Variants in PCTP observed in about 807,000 individuals in gnomAD.
The protein encoded by PCTP is START domain-containing protein 2.
PCTP carries 27 observed loss-of-function variants against 31.0 expected under a neutral mutation model. The observed-to-expected ratio is 0.87, with a 90% CI of 0.64 to 1.20. The LOEUF is 1.20. Among genes scored for constraint, PCTP ranks in the 50% most tolerant of loss-of-function variants. The pLI, the probability that PCTP is intolerant of heterozygous loss-of-function variation, is 0.00. For missense variants in PCTP, 287 were observed against 268.2 expected, an observed-to-expected ratio of 1.07 and a Z score of -0.49; for synonymous variants, 108 against 101.2, an observed-to-expected ratio of 1.07 and a Z score of -0.40.
At chr17:55,832,133 C>G (rs887771996) in intron 5 of PCTP, among the ~76,000 whole-genome samples, 2 of 152,134 alleles carry the variant, frequency 1.3e-5, no homozygotes, top group Non-Finnish European at 2.9e-5. Context: ...CCCAAGCAAG[C>G]TTGAGTTTCT....
rs1329166112 is a variant in PCTP, at chr17:55,816,915, T to TGACTGAGAG, written c.318-5845_318-5837dup. On this transcript the variant is annotated intron_variant, in intron 3 of 3. Coordinates refer to the PCTP transcript ENST00000572536. ...TGGGGTAAAGATCATATGCAACCAA[T>TGACTGAGAG]GACTGAGAGATAATTGGCCACTTTA... 5.3e-5 allele frequency among the ~76,000 whole-genome samples: 8 copies of TGACTGAGAG among 152,332 alleles called. No individual in the cohort carries two copies. In the East Asian group the frequency reaches 1.5e-3, roughly 29 times the overall value.
chr17:55,775,896 A>T, intron 5 of PCTP, 139 bp from the exon 6 acceptor site: 1 of 1,424,156 alleles, frequency 7.0e-7, no homozygotes, highest in African/African-American at 1.4e-5. Context: ...CTGCAACAAC[A>T]TTCTGTTGAA....
chr17:55,851,432 C>A, the PCTP span, among the ~76,000 whole-genome samples: 2 of 152,174 alleles, frequency 1.3e-5, no homozygotes, highest in African/African-American at 4.8e-5. Flanking sequence ...TCAGCTAGCA[C>A]GTTGAATTGG....
chr17:55,808,660 C>T lies in PCTP; in HGVS notation c.318-14101C>T, dbSNP rs529059718. Among the ~76,000 whole-genome samples, 12 of 152,272 alleles carry T rather than the reference C, an allele frequency of 7.9e-5. No individual in the cohort carries two copies. The South Asian group carries it at 1.9e-3, about 24-fold the overall frequency. The stretch of plus-strand genomic sequence containing the variant: ...TAATCACTCAGATTAGCAAGCAAGT[C>T]GTACTCTTTTCTCTCTGTCCAAAGC... On this transcript the variant is annotated intron_variant, in intron 3 of 3. Transcript: ENST00000572536.
rs1373155719 is a variant in PCTP, at chr17:55,805,563, C to T, written c.318-17198C>T. ...TTCTTTTTATGGCTGCATAGTATTC[C>T]GTGTGTGTAGACACACACACATATA... On this transcript the variant is annotated intron_variant, in intron 3 of 3. Transcript: ENST00000572536. 3.3e-5 allele frequency among the ~76,000 whole-genome samples: 5 copies of T among 151,720 alleles called. No homozygotes were observed. In the East Asian group the frequency reaches 7.7e-4, roughly 23 times the overall value.
intron 2 of PCTP, 198 bp from the exon 3 acceptor site, chr17:55,770,908 T>TTTTA: frequency 2.4e-6 from 1 of 418,682 alleles, no homozygotes. Flanking sequence ...TTTTTTTTTT[T>TTTTA]TATATATAGA....
intron 1 of PCTP, among the ~76,000 whole-genome samples, chr17:55,764,001 T>C (rs949585245): frequency 2.6e-5 from 4 of 152,190 alleles, no homozygotes; most frequent in African/African-American, 9.7e-5. Flanking sequence ...TTAAAGGAAG[T>C]TGTCGCAATC....
chr17:55,767,109 GTTTGTT>G (rs1014728120), intron 1 of PCTP, among the ~76,000 whole-genome samples: 2 of 152,140 alleles, frequency 1.3e-5, no homozygotes, highest in Non-Finnish European at 2.9e-5. Flanking sequence ...TGATGGGGTT[GTTTGTT>G]TTTTTCTTGT....
downstream of PCTP, among the ~76,000 whole-genome samples, chr17:55,826,095 G>A (rs1905386588): frequency 6.6e-6 from 1 of 152,192 alleles, no homozygotes; most frequent in Non-Finnish European, 1.5e-5. Context: ...TAGCAAAGCT[G>A]GAATTTGAAC....
At position 55,804,029 on chromosome 17, in the gene PCTP, C is replaced by A. The variant is rs180924738; in HGVS notation, c.317+16375C>A. 3.9e-5 allele frequency among the ~76,000 whole-genome samples: 6 copies of A among 152,038 alleles called. No individual in the cohort carries two copies. The East Asian group carries it at 1.2e-3, about 29-fold the overall frequency. On this transcript the variant is annotated intron_variant, in intron 3 of 3. Coordinates refer to the PCTP transcript ENST00000572536. Reference sequence around the variant, plus strand: ...AAACAAATTTACAAGAAAAAAACAACCCCATCAAAAAGTCAGCAAAGTATA... The same window carrying A: ...AAACAAATTTACAAGAAAAAAACAAACCCATCAAAAAGTCAGCAAAGTATA...
downstream of PCTP, among the ~76,000 whole-genome samples, chr17:55,824,100 A>G (rs765998492): frequency 1.4e-4 from 21 of 151,836 alleles, no homozygotes; most frequent in Non-Finnish European, 2.6e-4. Context: ...CCATACATTC[A>G]CTCAGTCCAT....
At chr17:55,791,626 G>A (rs1911985368) in intron 3 of PCTP, among the ~76,000 whole-genome samples, 1 of 150,964 alleles carries the variant, frequency 6.6e-6, no homozygotes, top group African/African-American at 2.4e-5. Context: ...ACACCAGTTA[G>A]AATGGCAATC....
chr17:55,837,758 C>T (rs869271646), intron 5 of PCTP, among the ~76,000 whole-genome samples: 1 of 151,970 alleles, frequency 6.6e-6, no homozygotes, highest in Non-Finnish European at 1.5e-5. Context: ...CTCTCTTGCC[C>T]AGGGGTCGAC....
At chr17:55,757,085 G>C (rs1000758323) in intron 1 of PCTP, among the ~76,000 whole-genome samples, 13 of 151,922 alleles carry the variant, frequency 8.6e-5, no homozygotes, top group African/African-American at 3.1e-4. Flanking sequence ...TCAAACTTGA[G>C]TGTGTATTGG....
chr17:55,788,633 T>C (rs1911839409), intron 3 of PCTP, among the ~76,000 whole-genome samples: 1 of 152,124 alleles, frequency 6.6e-6, no homozygotes, highest in Non-Finnish European at 1.5e-5. Context: ...TAGTCAGAAT[T>C]TTACTGAAAA....
At chr17:55,763,417 A>G (rs1597977093) in intron 1 of PCTP, among the ~76,000 whole-genome samples, 1 of 152,208 alleles carries the variant, frequency 6.6e-6, no homozygotes, top group East Asian at 1.9e-4. Context: ...CTTATCCTAA[A>G]ATTTATCTGT....
intron 3 of PCTP, among the ~76,000 whole-genome samples, chr17:55,790,982 G>A (rs955382986): frequency 2.0e-5 from 3 of 151,726 alleles, no homozygotes; most frequent in African/African-American, 7.3e-5. Context: ...ACAGAACAGA[G>A]CCCTCAGAAA....
downstream of PCTP, among the ~76,000 whole-genome samples, chr17:55,844,752 G>T (rs1227840964): frequency 6.6e-6 from 1 of 152,178 alleles, no homozygotes; most frequent in East Asian, 1.9e-4. Flanking sequence ...GTAAAATCCA[G>T]AAAATGGTAA....
At chr17:55,838,246 C>T (rs181151457) in intron 5 of PCTP, among the ~76,000 whole-genome samples, 17 of 152,300 alleles carry the variant, frequency 1.1e-4, no homozygotes, top group Admixed American at 1.0e-3. Flanking sequence ...TTCCTTAATA[C>T]AGCCTGCAAG....
Sources: gnomAD v4.1 joint callset for allele counts (sites outside exome capture counted in the v4.1 genomes callset) on GRCh38, gnomAD v4.1.1 for gene constraint, MANE v1.5 for transcripts, NCBI Gene and HGNC (gene_info 2026-07-23, HGNC 2026-07-21) for gene names.